PCDH7: variants seen among roughly 807,000 people sequenced by gnomAD.
PCDH7 encodes protocadherin-7.
In PCDH7, 17 loss-of-function variants were observed where a neutral mutation model predicts 58.9. The observed-to-expected ratio is 0.29, with a 90% confidence interval of 0.20 to 0.43. The LOEUF (loss-of-function observed/expected upper bound fraction) is 0.43. Ranked by LOEUF, PCDH7 falls within the 20% of genes least tolerant of loss-of-function variation. The pLI, the probability that PCDH7 is intolerant of heterozygous loss-of-function variation, is 1.00. For synonymous variants in PCDH7, 664 were observed against 616.4 expected (o/e 1.08, Z -1.14); for missense variants, 1,274 against 1,441.0 (o/e 0.88, Z 1.88).
intron 1 of PCDH7, among the ~76,000 whole-genome samples, chr4:30,824,074 G>GTTTCTTTTCTTTCTTTCTTTC (rs1728712804): frequency 2.7e-5 from 4 of 148,724 alleles, no homozygotes; most frequent in Non-Finnish European, 4.5e-5. Flanking sequence ...TTAAAGCGGG[G>GTTTCTTTTCTTTCTTTCTTTC]TTTCTTTTCT....
intron 3 of PCDH7, among the ~76,000 whole-genome samples, chr4:30,981,315 A>G (rs1184208649): frequency 6.6e-6 from 1 of 152,214 alleles, no homozygotes; most frequent in Non-Finnish European, 1.5e-5. Context: ...AAGCCACCAG[A>G]AAGTGTTGTA....
chr4:31,120,428 T>C (rs1459750733), intron 3 of PCDH7, among the ~76,000 whole-genome samples: 2 of 125,840 alleles, frequency 1.6e-5, no homozygotes, highest in African/African-American at 6.5e-5. Flanking sequence ...GTTGTTTTTC[T>C]TTCTATTTTT....
intron 3 of PCDH7, among the ~76,000 whole-genome samples, chr4:30,978,729 T>A (rs1240929164): frequency 6.6e-6 from 1 of 152,202 alleles, no homozygotes; most frequent in Admixed American, 6.5e-5. Context: ...CCTAATACAA[T>A]ATACTTCTTT....
Position 31,038,495 on chromosome 4 carries a change from T to TA in PCDH7, c.*7+88281dup, listed in dbSNP as rs543196168. Among the ~76,000 whole-genome samples, 176 of 152,250 alleles carry TA rather than the reference T, an allele frequency of 1.2e-3. 2 individuals are homozygous for TA. The South Asian group carries it at 0.018, about 16-fold the overall frequency. On this transcript the variant is annotated intron_variant, in intron 3 of 3. Transcript: ENST00000509759. ...GACTATTTGAGATGGAATAAGAAATTATAAAGCAGAAAATAAATAGAGTTT... is the reference window on the plus strand; with the variant it reads ...GACTATTTGAGATGGAATAAGAAATTAATAAAGCAGAAAATAAATAGAGTTT...
intron 1 of PCDH7, chr4:30,884,691 A>G (rs1457767962): frequency 6.6e-6 from 1 of 152,184 alleles, no homozygotes; most frequent in Non-Finnish European, 1.5e-5. Context: ...AGAATGGAGA[A>G]TACAAGGGCC....
chr4:30,935,852 G>C (rs1051940808), intron 2 of PCDH7, among the ~76,000 whole-genome samples: 1 of 151,994 alleles, frequency 6.6e-6, no homozygotes, highest in East Asian at 1.9e-4. Context: ...CAACTTTTAT[G>C]GGCTATTTGA....
chr4:30,896,998 G>C (rs943514989), intron 1 of PCDH7, among the ~76,000 whole-genome samples: 3 of 136,582 alleles, frequency 2.2e-5, no homozygotes, highest in African/African-American at 8.1e-5. Context: ...TCTGCCTCCC[G>C]AGTTCATGCC....
intron 3 of PCDH7, among the ~76,000 whole-genome samples, chr4:30,954,439 C>A (rs139754031): frequency 1.9e-3 from 290 of 152,182 alleles, no homozygotes; most frequent in African/African-American, 6.5e-3. Flanking sequence ...CTGAACATTT[C>A]TTTGTACATT....
At chr4:30,786,268 G>A (rs1051626271) in intron 1 of PCDH7, among the ~76,000 whole-genome samples, 1 of 151,980 alleles carries the variant, frequency 6.6e-6, no homozygotes, top group African/African-American at 2.4e-5. Flanking sequence ...GGAAGGGTGT[G>A]AACATTCAGA....
chr4:30,786,725 A>T, intron 1 of PCDH7: 1 of 979,798 alleles, frequency 1.0e-6, no homozygotes, highest in Non-Finnish European at 1.2e-6. Context: ...TATTTTTTAT[A>T]GGTGGATACA....
intron 1 of PCDH7, among the ~76,000 whole-genome samples, chr4:30,740,413 A>G (rs1057220367): frequency 3.3e-5 from 5 of 152,168 alleles, no homozygotes; most frequent in Non-Finnish European, 5.9e-5. Flanking sequence ...GACCAGTTTT[A>G]TCCTGTGCTT....
chr4:30,985,192 A>T (rs1560554905), intron 3 of PCDH7, among the ~76,000 whole-genome samples: 1 of 152,110 alleles, frequency 6.6e-6, no homozygotes, highest in Non-Finnish European at 1.5e-5. Context: ...TGTGACCTCA[A>T]GTGATCTGCC....
intron 2 of PCDH7, among the ~76,000 whole-genome samples, chr4:30,939,967 G>A (rs1296471233): frequency 6.6e-6 from 1 of 151,884 alleles, no homozygotes; most frequent in Non-Finnish European, 1.5e-5. Context: ...TGGAAGAGTC[G>A]ATTAAAGGTA....
rs189495141 is a variant in PCDH7 at position 30,756,119 on chromosome 4, G to A, written c.70+31523G>A. 1.8e-3 allele frequency among the ~76,000 whole-genome samples: 276 copies of A among 152,100 alleles called. 1 individual carries two copies. The highest frequency in any genetic ancestry group is 6.4e-3 in the African/African-American group (265 of 41,506). On this transcript the variant is annotated intron_variant, in intron 1 of 3. Coordinates refer to the PCDH7 transcript ENST00000509759. The stretch of plus-strand genomic sequence containing the variant: ...ACCAACAAACAAAATATATGGCGGA[G>A]GTCAAAGTGGAAACATGCACCTGTG...
chr4:31,098,383 A>T (rs1194935008), intron 3 of PCDH7, among the ~76,000 whole-genome samples: 1 of 152,222 alleles, frequency 6.6e-6, no homozygotes, highest in Non-Finnish European at 1.5e-5. Context: ...CACCTATTTT[A>T]TATCAATTAG....
chr4:31,024,443 A>T (rs2109174867), intron 3 of PCDH7, among the ~76,000 whole-genome samples: 1 of 152,302 alleles, frequency 6.6e-6, no homozygotes, highest in Admixed American at 6.5e-5. Flanking sequence ...TATTATAATT[A>T]TTCTTGTCAT....
intron 3 of PCDH7, among the ~76,000 whole-genome samples, chr4:30,968,439 A>C (rs1342118686): frequency 7.1e-6 from 1 of 141,396 alleles, no homozygotes; most frequent in African/African-American, 2.6e-5. Flanking sequence ...AGAATTAAAA[A>C]ACAAAAGACA....
At chr4:30,929,446 T>C (rs1431629947) in intron 2 of PCDH7, among the ~76,000 whole-genome samples, 1 of 152,180 alleles carries the variant, frequency 6.6e-6, no homozygotes, top group Non-Finnish European at 1.5e-5. Flanking sequence ...TGTCTTCTCA[T>C]TATTGTCCAG....
At chr4:31,042,391 T>G (rs1755942949) in intron 3 of PCDH7, among the ~76,000 whole-genome samples, 4 of 152,192 alleles carry the variant, frequency 2.6e-5, no homozygotes, top group Admixed American at 2.0e-4. Context: ...TATTAATGAC[T>G]GTTAATTACA....
Sources: gnomAD v4.1 joint callset for allele counts (sites outside exome capture counted in the v4.1 genomes callset) on GRCh38, gnomAD v4.1.1 for gene constraint, MANE v1.5 for transcripts, NCBI Gene and HGNC (gene_info 2026-07-23, HGNC 2026-07-21) for gene names.